The following MAP7D2 variants were observed in gnomAD, a reference collection of about 807,000 sequenced individuals.
MAP7D2 encodes the protein MAP7 domain-containing protein 2.
Under a neutral mutation model 63.5 loss-of-function variants are expected in MAP7D2, and 33 were observed. That is an observed-to-expected ratio of 0.52 (90% confidence interval 0.39 to 0.70). The LOEUF is 0.70. Ranked by LOEUF, MAP7D2 falls within the 30% of genes least tolerant of loss-of-function variation. The probability of loss-of-function intolerance (pLI) is 0.00; values close to 1 mark genes in which losing one functional copy is unlikely to be tolerated. For synonymous variants in MAP7D2, 224 were observed against 223.7 expected (o/e 1.00, Z -0.01); for missense variants, 626 against 604.0 (o/e 1.04, Z -0.38).
At chrX:20,011,169 T>C (rs2073188250) in intron 15 of MAP7D2, 117 bp from the exon 16 acceptor site, 2 of 775,985 alleles carry the variant, frequency 2.6e-6, no homozygotes, top group Admixed American at 7.3e-5. Flanking sequence ...AAGAAGGATT[T>C]AGAGTCAGAG....
intron 1 of MAP7D2, among the ~76,000 whole-genome samples, chrX:20,067,498 T>G (rs901112217): frequency 9.0e-6 from 1 of 111,409 alleles, no homozygotes. Context: ...AAGGACAAAG[T>G]GCACTGCTCA....
intron 1 of MAP7D2, among the ~76,000 whole-genome samples, chrX:20,112,210 C>G (rs1232577903): frequency 8.9e-6 from 1 of 111,956 alleles, no homozygotes; most frequent in Non-Finnish European, 1.9e-5. Flanking sequence ...AAAGCCAAGT[C>G]TTTTTAGGTG....
At chrX:20,083,344 G>T (rs2065824437) in intron 1 of MAP7D2, among the ~76,000 whole-genome samples, 1 of 111,995 alleles carries the variant, frequency 8.9e-6, no homozygotes, top group South Asian at 3.7e-4. Flanking sequence ...CACAGAAAAG[G>T]CCACTGCCAT....
chrX:20,048,950 T>G (rs753803405), intron 6 of MAP7D2, among the ~76,000 whole-genome samples: 2 of 108,113 alleles, frequency 1.8e-5, no homozygotes, highest in African/African-American at 7.0e-5. Flanking sequence ...TATACATATA[T>G]GTATACGTAT....
chrX:20,060,365 C>T (rs897207285), intron 3 of MAP7D2, among the ~76,000 whole-genome samples: 7 of 104,323 alleles, frequency 6.7e-5, no homozygotes, highest in East Asian at 3.0e-4. Flanking sequence ...ACACCCCCAG[C>T]GGTCCTCAGC....
At chrX:20,098,938 T>C (rs936946544) in intron 1 of MAP7D2, among the ~76,000 whole-genome samples, 13 of 112,727 alleles carry the variant, frequency 1.2e-4, no homozygotes, top group Middle Eastern at 4.2e-3. Flanking sequence ...ACCCTCATGG[T>C]GTGTGTGCCA....
chrX:20,104,113 A>G (rs1490633213), intron 1 of MAP7D2, among the ~76,000 whole-genome samples: 1 of 111,610 alleles, frequency 9.0e-6, no homozygotes, highest in Non-Finnish European at 1.9e-5. Context: ...TCATCCCAGA[A>G]GATTAGGGAT....
rs770290000 is a variant in MAP7D2 at position 20,016,236 on chromosome X, C to T, written c.1502G>A (p.Arg501Gln). The change falls in exon 11 of 17, where the codon CGG becomes CAG. Residue 501 changes from arginine (R) to glutamine (Q), a missense_variant. Transcript: ENST00000379643. ...EARKQEEERK[R>Q]QEEEKKKQEG... ...CTGTTTTTTCTTTTCCTCTTCCTGCCGCTTCCTTTCTTCTTCCTGCTTTCG... is the reference window on the plus strand; with the variant it reads ...CTGTTTTTTCTTTTCCTCTTCCTGCTGCTTCCTTTCTTCTTCCTGCTTTCG... The T allele has an allele frequency of 4.7e-5, 57 of 1,206,034 alleles. No individual in the cohort carries two copies. Among genetic ancestry groups the T allele is most frequent in the Admixed American group, 1.6e-4 (7 of 44,985 alleles).
intron 1 of MAP7D2, among the ~76,000 whole-genome samples, chrX:20,108,767 T>C (rs1482050242): frequency 9.2e-6 from 1 of 109,026 alleles, no homozygotes; most frequent in Non-Finnish European, 1.9e-5. Flanking sequence ...TTACCAGAGT[T>C]AGTTTGAGAC....
chrX:20,083,536 A>G (rs1010311628), intron 1 of MAP7D2, among the ~76,000 whole-genome samples: 1 of 112,453 alleles, frequency 8.9e-6, no homozygotes, highest in African/African-American at 3.2e-5. Context: ...AAAAACGATC[A>G]TCAAAGAACA....
At chrX:20,011,652 C>A (rs1436072552) in intron 15 of MAP7D2, among the ~76,000 whole-genome samples, 2 of 112,198 alleles carry the variant, frequency 1.8e-5, no homozygotes, top group Non-Finnish European at 3.8e-5. Context: ...TTGGGGGGCC[C>A]ATAATGAAAG....
At chrX:20,035,856 TG>T (rs1454607044) in intron 8 of MAP7D2, among the ~76,000 whole-genome samples, 10 of 110,428 alleles carry the variant, frequency 9.1e-5, no homozygotes, top group Non-Finnish European at 1.9e-4. Flanking sequence ...GAGGTTGCAG[TG>T]GGCCGAGATT....
chrX:20,063,232 C>A (rs1203701451), intron 3 of MAP7D2, among the ~76,000 whole-genome samples, 182 bp downstream of exon 3: 1 of 112,009 alleles, frequency 8.9e-6, no homozygotes, highest in Non-Finnish European at 1.9e-5. Context: ...TAAGTCTCTG[C>A]GGTTCTATGT....
intron 1 of MAP7D2, among the ~76,000 whole-genome samples, chrX:20,113,704 G>A (rs1490750487): frequency 9.0e-6 from 1 of 110,713 alleles, no homozygotes; most frequent in African/African-American, 3.3e-5. Flanking sequence ...TGGCTACATA[G>A]TAGGTAGTAG....
At position 20,043,559 on chromosome X, in the gene MAP7D2, C is replaced by T. The variant is rs1037907438; in HGVS notation, c.879+805G>A. On this transcript the variant is annotated intron_variant, in intron 7 of 16. Coordinates refer to ENST00000379643, the MANE Select transcript of MAP7D2 (RefSeq NM_001168465.2). ...CATGAATGAGCCGTCTCAGATGAGG[C>T]CCAGCCATGCTTTCAGATGATGCAG... 3.6e-5 allele frequency among the ~76,000 whole-genome samples: 4 copies of T among 112,023 alleles called. No individual in the cohort carries two copies. The East Asian group carries it at 1.1e-3, about 31-fold the overall frequency.
chrX:20,011,382 T>G (rs1362810623), intron 15 of MAP7D2, among the ~76,000 whole-genome samples: 1 of 111,886 alleles, frequency 8.9e-6, no homozygotes, highest in Non-Finnish European at 1.9e-5. Flanking sequence ...TTCCAGAACT[T>G]TCTAAATGGG....
At chrX:20,043,214 C>T (rs1482422582) in intron 7 of MAP7D2, among the ~76,000 whole-genome samples, 1 of 112,331 alleles carries the variant, frequency 8.9e-6, no homozygotes. Context: ...CCTTTCAACA[C>T]TAATCCACTG....
At chrX:20,116,529 A>C (rs1603413487) in intron 1 of MAP7D2, 1 of 904,002 alleles carries the variant, frequency 1.1e-6, no homozygotes, top group Non-Finnish European at 1.4e-6. Context: ...GTACCCACTC[A>C]CCCAGGTCGC....
chrX:20,064,604 T>A, intron 2 of MAP7D2, 124 bp downstream of exon 2: 1 of 541,518 alleles, frequency 1.8e-6, no homozygotes, highest in Non-Finnish European at 3.1e-6. Flanking sequence ...TCACGCCTGA[T>A]TCTTCATGTT....
Sources: allele counts gnomAD v4.1 joint callset (sites outside exome capture counted in the v4.1 genomes callset), GRCh38; gene constraint gnomAD v4.1.1; transcripts MANE v1.5; gene names NCBI Gene and HGNC (gene_info 2026-07-23, HGNC 2026-07-21).